ROBO1: variants seen among roughly 807,000 people sequenced by gnomAD.
The protein encoded by ROBO1 is roundabout guidance receptor 1.
ROBO1 carries 149 observed loss-of-function variants against 195.9 expected under a neutral mutation model. The observed-to-expected ratio is 0.76, with a 90% CI of 0.67 to 0.87. ROBO1 has a LOEUF of 0.87. ROBO1 is among the 40% of genes least tolerant of loss of function. The pLI is 0.00. For synonymous variants in ROBO1, 816 were observed against 733.2 expected, an observed-to-expected ratio of 1.11 and a Z score of -1.82; for missense variants, 1,933 against 2,068.3, an observed-to-expected ratio of 0.93 and a Z score of 1.27.
At chr3:78,750,809 G>C (rs1048208265) in intron 4 of ROBO1, among the ~76,000 whole-genome samples, 12 of 152,168 alleles carry the variant, frequency 7.9e-5, no homozygotes, top group African/African-American at 2.9e-4. Context: ...AATGGGCAGA[G>C]ATCTTTGACA....
At chr3:78,977,237 T>C (rs1392474350) in intron 3 of ROBO1, among the ~76,000 whole-genome samples, 1 of 152,120 alleles carries the variant, frequency 6.6e-6, no homozygotes, top group African/African-American at 2.4e-5. Context: ...TCCCACAGTT[T>C]TCCTCTAATT....
chr3:78,843,140 C>T (rs1386186934), intron 4 of ROBO1, among the ~76,000 whole-genome samples: 3 of 151,874 alleles, frequency 2.0e-5, no homozygotes, highest in African/African-American at 7.2e-5. Flanking sequence ...TTTTTTAAAA[C>T]TAGTAATTTG....
chr3:78,600,085 G>A (rs1452210781), intron 30 of ROBO1, 28 bp downstream of exon 30: 3 of 1,565,316 alleles, frequency 1.9e-6, no homozygotes, highest in Middle Eastern at 1.7e-4. Context: ...GTCTAACATT[G>A]GTAAACTTGG....
intron 2 of ROBO1, among the ~76,000 whole-genome samples, chr3:79,557,609 C>T (rs894958770): frequency 3.3e-5 from 5 of 151,388 alleles, no homozygotes; most frequent in African/African-American, 4.9e-5. Flanking sequence ...TAGTAAACGC[C>T]GGTAATCCTA....
chr3:78,693,868 T>C (rs896417268), intron 8 of ROBO1, among the ~76,000 whole-genome samples: 1 of 152,138 alleles, frequency 6.6e-6, no homozygotes, highest in Non-Finnish European at 1.5e-5. Flanking sequence ...CATACGCAAA[T>C]AGGCATGAGT....
intron 4 of ROBO1, among the ~76,000 whole-genome samples, chr3:78,846,534 G>GA (rs1213882365): frequency 1.3e-5 from 2 of 151,914 alleles, no homozygotes; most frequent in East Asian, 1.9e-4. Context: ...TTTTGTATCA[G>GA]AAAAAAGCAT....
chr3:79,144,336 C>G (rs1046569677), intron 2 of ROBO1, among the ~76,000 whole-genome samples: 1 of 152,002 alleles, frequency 6.6e-6, no homozygotes, highest in African/African-American at 2.4e-5. Context: ...AAAGAAATGT[C>G]TCTGCAGCAT....
chr3:78,974,417 G>A (rs1293046277), intron 3 of ROBO1, among the ~76,000 whole-genome samples: 4 of 152,158 alleles, frequency 2.6e-5, no homozygotes, highest in Admixed American at 2.6e-4. Flanking sequence ...GGTAGCGGCT[G>A]TGGATTCTTT....
chr3:79,681,753 T>G (rs2106980189), intron 1 of ROBO1, among the ~76,000 whole-genome samples: 1 of 152,064 alleles, frequency 6.6e-6, no homozygotes, highest in East Asian at 1.9e-4. Context: ...CTTGGCTCTT[T>G]CAAATACTTA....
rs967923523 is a variant in ROBO1 at position 79,074,773 on chromosome 3, C to CT, written c.172+50682dup. On this transcript the variant is annotated intron_variant, in intron 3 of 30. Transcript: ENST00000464233. ...AAGCTGACCTTGACAAAAATGTGTG[C>CT]TTTTTTAGTCCATGTTTGGACTAAA... Among the ~76,000 whole-genome samples, 181 of 151,238 alleles carry CT rather than the reference C, an allele frequency of 1.2e-3. 1 individual carries two copies. Among genetic ancestry groups the CT allele is most frequent in the African/African-American group, 4.2e-3 (172 of 41,140 alleles).
At chr3:79,397,573 A>G (rs1217025639) in intron 2 of ROBO1, among the ~76,000 whole-genome samples, 6 of 152,196 alleles carry the variant, frequency 3.9e-5, no homozygotes, top group African/African-American at 1.4e-4. Context: ...AAAAATTAGT[A>G]ATTTTGCCTT....
intron 2 of ROBO1, among the ~76,000 whole-genome samples, chr3:79,438,799 T>G (rs1225839094): frequency 1.3e-5 from 2 of 152,078 alleles, no homozygotes; most frequent in African/African-American, 4.8e-5. Flanking sequence ...AGGTCATTTT[T>G]ATTTTTTCTT....
intron 3 of ROBO1, among the ~76,000 whole-genome samples, chr3:79,111,379 T>C (rs750608347): frequency 6.6e-6 from 1 of 152,036 alleles, no homozygotes. Context: ...GCTGGATGGG[T>C]TCAGACAAAA....
intron 2 of ROBO1, among the ~76,000 whole-genome samples, chr3:79,498,228 C>T (rs936929003): frequency 1.3e-5 from 2 of 152,030 alleles, no homozygotes; most frequent in East Asian, 3.8e-4. Context: ...TGTATTATAT[C>T]TGTTATTTTT....
intron 3 of ROBO1, among the ~76,000 whole-genome samples, chr3:79,042,006 A>T (rs2078495627): frequency 6.6e-6 from 1 of 152,288 alleles, no homozygotes; most frequent in South Asian, 2.1e-4. Context: ...GTTTGGTAAC[A>T]CCCAAGGGAG....
intron 2 of ROBO1, among the ~76,000 whole-genome samples, chr3:79,560,558 T>TATATATATATATAC (rs5850439): frequency 1.1e-3 from 140 of 129,670 alleles, no homozygotes; most frequent in African/African-American, 3.2e-3. Context: ...TATATATATA[T>TATATATATATATAC]ACACATACAC....
intron 1 of ROBO1, among the ~76,000 whole-genome samples, chr3:79,722,797 T>C (rs975286188): frequency 3.3e-5 from 5 of 152,024 alleles, no homozygotes; most frequent in Non-Finnish European, 5.9e-5. Context: ...GTTACTGCAG[T>C]AGCTGGAAAA....
intron 2 of ROBO1, among the ~76,000 whole-genome samples, chr3:79,301,353 G>A (rs1382498005): frequency 6.6e-6 from 1 of 152,192 alleles, no homozygotes; most frequent in African/African-American, 2.4e-5. Context: ...ACACAGTACT[G>A]TGAAATGTGA....
chr3:78,937,708 G>C (rs890294786), intron 4 of ROBO1, among the ~76,000 whole-genome samples: 1 of 152,120 alleles, frequency 6.6e-6, no homozygotes, highest in Admixed American at 6.6e-5. Flanking sequence ...TTTGGTGCTA[G>C]TGTAAATAAA....
Sources: gnomAD v4.1 joint callset for allele counts (sites outside exome capture counted in the v4.1 genomes callset) on GRCh38, gnomAD v4.1.1 for gene constraint, MANE v1.5 for transcripts, NCBI Gene and HGNC (gene_info 2026-07-23, HGNC 2026-07-21) for gene names.